The following PLCE1 variants were observed in gnomAD, a reference collection of about 807,000 sequenced individuals.
PLCE1 encodes 1-phosphatidylinositol 4,5-bisphosphate phosphodiesterase epsilon-1.
A neutral mutation model predicts 242.8 loss-of-function variants in PLCE1; 119 were observed. That is an observed-to-expected ratio of 0.49 (90% CI 0.42 to 0.57). The LOEUF (loss-of-function observed/expected upper bound fraction) is 0.57. Among genes scored for constraint, PLCE1 ranks in the 20% least tolerant of loss-of-function variants. The probability of loss-of-function intolerance (pLI) is 0.00; values close to 1 mark genes in which losing one functional copy is unlikely to be tolerated. For synonymous variants in PLCE1, 945 were observed against 1,017.4 expected (o/e 0.93, Z 1.35); for missense variants, 2,441 against 2,788.8 (o/e 0.88, Z 2.81).
intron 27 of PLCE1, among the ~76,000 whole-genome samples, chr10:94,313,009 C>T: frequency 6.6e-6 from 1 of 152,072 alleles, no homozygotes; most frequent in East Asian, 1.9e-4. Context: ...ATAATATCAG[C>T]CTCTAATTAT....
intron 9 of PLCE1, among the ~76,000 whole-genome samples, chr10:94,253,145 G>A (rs1402311878): frequency 6.6e-6 from 1 of 152,138 alleles, no homozygotes; most frequent in Non-Finnish European, 1.5e-5. Flanking sequence ...GTTTGTTTGT[G>A]TTGCTATAAA....
chr10:94,316,830 C>T, intron 29 of PLCE1, 74 bp downstream of exon 29: 2 of 1,105,464 alleles, frequency 1.8e-6, no homozygotes, highest in East Asian at 2.4e-5. Flanking sequence ...CACAACCTCC[C>T]TGAAATTCAG....
chr10:93,998,767 TGTCCAA>T (rs566423877), intron 1 of PLCE1, among the ~76,000 whole-genome samples: 111 of 152,322 alleles, frequency 7.3e-4, no homozygotes, highest in African/African-American at 2.1e-3. Flanking sequence ...CTACCAAAGA[TGTCCAA>T]GTCTGAATGC....
chr10:94,281,255 T>C (rs775183371), intron 20 of PLCE1, among the ~76,000 whole-genome samples: 36 of 152,204 alleles, frequency 2.4e-4, no homozygotes, highest in Non-Finnish European at 4.3e-4. Context: ...TATGCCCCTA[T>C]AAGTAGTTAG....
At chr10:94,058,061 G>A (rs1228664515) in intron 2 of PLCE1, among the ~76,000 whole-genome samples, 1 of 152,138 alleles carries the variant, frequency 6.6e-6, no homozygotes, top group Non-Finnish European at 1.5e-5. Context: ...CAGTTTGTTA[G>A]CTATGTGGCC....
intron 22 of PLCE1, among the ~76,000 whole-genome samples, chr10:94,285,432 C>T (rs2052404589): frequency 6.6e-6 from 1 of 152,114 alleles, no homozygotes; most frequent in African/African-American, 2.4e-5. Flanking sequence ...AGAAATTGAC[C>T]TAAGTAAAGG....
chr10:94,078,675 G>A (rs1269962435), intron 2 of PLCE1, among the ~76,000 whole-genome samples: 2 of 152,026 alleles, frequency 1.3e-5, no homozygotes, highest in East Asian at 1.9e-4. Flanking sequence ...TAGCAGAGAC[G>A]AGTTTCACCA....
In PLCE1 at chr10:94,031,786, A is replaced by G; in HGVS notation, c.740A>G (p.Lys247Arg). 6.2e-7 allele frequency: 1 copy of G among 1,613,778 alleles called. No individual in the cohort carries two copies. The highest frequency in any genetic ancestry group is 8.5e-7 in the Non-Finnish European group (1 of 1,179,862). ...LMELAKNCDN[K>R]NEQLQCDHCD... is the part of the protein sequence containing the mutation. ...GAATTGGCCAAAAATTGTGATAATA[A>G]GAATGAGCAGCTGCAGTGTGATCAT... Residue 247 changes from lysine to arginine, a missense_variant, in exon 2 of 33, where the codon AAG becomes AGG. This residue lies in a region of PLCE1 where 393 missense variants were observed against 378.5 expected (regional missense o/e 1.04). Coordinates refer to ENST00000371380, the MANE Select transcript of PLCE1 (RefSeq NM_016341.4).
chr10:94,132,052 T>C, intron 2 of PLCE1, 122 bp from the exon 3 acceptor site: 2 of 853,238 alleles, frequency 2.3e-6, no homozygotes, highest in South Asian at 2.9e-5. Context: ...GTGCTCAGAG[T>C]GTTTGCACTT....
chr10:94,023,893 CT>C (rs1185312892), intron 1 of PLCE1, among the ~76,000 whole-genome samples: 1 of 152,018 alleles, frequency 6.6e-6, no homozygotes, highest in Non-Finnish European at 1.5e-5. Context: ...AGGGTTAAAT[CT>C]TTGTGGTCTT....
chr10:94,297,590 TAAA>T (rs71031568), intron 23 of PLCE1, among the ~76,000 whole-genome samples: 157 of 56,410 alleles, frequency 2.8e-3, no homozygotes, highest in South Asian at 5.2e-3. Flanking sequence ...TTTAAATTTG[TAAA>T]AAAAAAAAAA....
At chr10:94,185,204 T>A (rs950119017) in intron 4 of PLCE1, among the ~76,000 whole-genome samples, 1 of 152,202 alleles carries the variant, frequency 6.6e-6, no homozygotes, top group African/African-American at 2.4e-5. Flanking sequence ...AATTCCATCA[T>A]TAAGTTTGGG....
intron 11 of PLCE1, among the ~76,000 whole-genome samples, chr10:94,256,508 G>T (rs1225482010): frequency 6.6e-6 from 1 of 151,858 alleles, no homozygotes; most frequent in Non-Finnish European, 1.5e-5. Context: ...AGGTTATATG[G>T]GAATTCTTTG....
intron 5 of PLCE1, among the ~76,000 whole-genome samples, chr10:94,229,200 A>AC (rs2050057503): frequency 8.0e-6 from 1 of 124,280 alleles, no homozygotes; most frequent in South Asian, 2.8e-4. Context: ...AAACAAACAA[A>AC]CAAAAAAAAA....
intron 1 of PLCE1, among the ~76,000 whole-genome samples, chr10:93,998,561 C>A (rs2060873899): frequency 6.6e-6 from 1 of 152,184 alleles, no homozygotes; most frequent in Admixed American, 6.5e-5. Context: ...CGTAAAATAG[C>A]AATAGTAATT....
At chr10:94,266,019 A>G (rs2051501914) in intron 16 of PLCE1, 61 bp downstream of exon 16, 1 of 1,540,330 alleles carries the variant, frequency 6.5e-7, no homozygotes, top group Non-Finnish European at 9.0e-7. Context: ...TGTAACCCCC[A>G]AAGTCAAAAA....
Position 94,098,747 on chromosome 10 carries a change from A to G in PLCE1, c.1207-33427A>G, listed in dbSNP as rs537073118. ...TACGACATTCAGCTTTCTTTGGAAC[A>G]CCTTGAGTTACTGTTTGAGGCTTAC... is the stretch of plus-strand genomic sequence containing the variant. On this transcript the variant is annotated intron_variant, in intron 2 of 32. Coordinates refer to ENST00000371380, the MANE Select transcript of PLCE1 (RefSeq NM_016341.4). Among the ~76,000 whole-genome samples, 3 of 152,314 alleles carry G rather than the reference A, an allele frequency of 2.0e-5. No homozygotes were observed. The South Asian group carries it at 6.2e-4, about 32-fold the overall frequency.
chr10:94,101,896 G>A (rs2045551430), intron 2 of PLCE1, among the ~76,000 whole-genome samples: 1 of 152,136 alleles, frequency 6.6e-6, no homozygotes, highest in Non-Finnish European at 1.5e-5. Context: ...TGTGATAGGA[G>A]ACATGTACCC....
chr10:94,179,911 A>ACAGT (rs1463461369), intron 4 of PLCE1, among the ~76,000 whole-genome samples: 9 of 151,460 alleles, frequency 5.9e-5, no homozygotes, highest in African/African-American at 2.2e-4. Flanking sequence ...GACCAAAGAC[A>ACAGT]CAGTAGTGGT....
Sources: allele counts gnomAD v4.1 joint callset (sites outside exome capture counted in the v4.1 genomes callset), GRCh38; gene constraint gnomAD v4.1.1; regional missense constraint gnomAD v4.1.1; transcripts MANE v1.5; gene names NCBI Gene and HGNC (gene_info 2026-07-23, HGNC 2026-07-21).